The following RABGEF1 variants were observed in gnomAD, a reference collection of about 807,000 sequenced individuals.
The protein encoded by RABGEF1 is RAB guanine nucleotide exchange factor 1.
In RABGEF1, 26 loss-of-function variants were observed where a neutral mutation model predicts 57.3. The ratio of observed to expected loss-of-function variants is 0.45; its 90% CI spans 0.33 to 0.63. The LOEUF is 0.63. RABGEF1 is among the 20% of genes least tolerant of loss of function. The pLI is 0.02. For synonymous variants in RABGEF1, 185 were observed against 210.7 expected (o/e 0.88, Z 1.06); for missense variants, 464 against 607.6 (o/e 0.76, Z 2.48).
chr7:66,767,195 G>GT (rs762549143), intron 1 of RABGEF1, among the ~76,000 whole-genome samples: 4 of 151,450 alleles, frequency 2.6e-5, no homozygotes, highest in Non-Finnish European at 5.9e-5. Flanking sequence ...TAGAGACGAG[G>GT]TTTTGCCATG....
At chr7:66,679,622 CCT>C (rs1789550879), upstream of RABGEF1, among the ~76,000 whole-genome samples, 1 of 152,108 alleles carries the variant, frequency 6.6e-6, no homozygotes, top group East Asian at 1.9e-4. Flanking sequence ...CCCAGCCAGT[CCT>C]CTTTGTCTTA....
chr7:66,729,149 A>T lies in RABGEF1; in HGVS notation c.-814-10847A>T, dbSNP rs578034850. On this transcript the variant is annotated intron_variant and NMD_transcript_variant, in intron 2 of 9. Coordinates refer to the RABGEF1 transcript ENST00000607882. Reference sequence around the variant, plus strand: ...GTATTTTTAGTAGATATGGGGTTTCACTGTGTTAGCCAGGATTGTCTCGAT... The same window carrying T: ...GTATTTTTAGTAGATATGGGGTTTCTCTGTGTTAGCCAGGATTGTCTCGAT... 5.3e-5 allele frequency among the ~76,000 whole-genome samples: 8 copies of T among 151,980 alleles called. No individual in the cohort carries two copies. The South Asian group carries it at 1.5e-3, about 28-fold the overall frequency.
the RABGEF1 span, among the ~76,000 whole-genome samples, chr7:66,674,951 CTATATA>C: frequency 4.4e-4 from 65 of 149,032 alleles, 1 homozygote; most frequent in East Asian, 9.4e-3. Context: ...AATTATAAAA[CTATATA>C]TATATATATA....
chr7:66,771,632 AATTTTTT>A (rs199950237), intron 1 of RABGEF1, among the ~76,000 whole-genome samples: 1,896 of 151,742 alleles, frequency 0.012, 37 homozygotes, highest in African/African-American at 0.042. Context: ...GTCCTTTCTT[AATTTTTT>A]ATTTTTTATT....
upstream of RABGEF1, among the ~76,000 whole-genome samples, chr7:66,738,031 T>G (rs12671178): frequency 1.5e-4 from 20 of 136,688 alleles, no homozygotes; most frequent in Non-Finnish European, 2.5e-4. Context: ...TTGTTTTTTT[T>G]TTTTTTTGAG....
In RABGEF1 at chr7:66,801,193, T is replaced by A. The variant is rs554984702; in HGVS notation, c.820+1779T>A. On this transcript the variant is annotated intron_variant, in intron 7 of 8. Coordinates refer to ENST00000284957, the MANE Select transcript of RABGEF1 (RefSeq NM_014504.3). Reference sequence around the variant, plus strand: ...CTCCAAGAGTTTAGGACAAGGAGAGTGTCAGGGCCTGTGGCTGATGGTGGA... The same window carrying A: ...CTCCAAGAGTTTAGGACAAGGAGAGAGTCAGGGCCTGTGGCTGATGGTGGA... Among the ~76,000 whole-genome samples, 3 of 152,178 alleles carry A rather than the reference T, an allele frequency of 2.0e-5. No individual in the cohort carries two copies. In the South Asian group the frequency reaches 6.2e-4, roughly 32 times the overall value.
chr7:66,805,133 T>C lies in RABGEF1; in HGVS notation c.821-7T>C, dbSNP rs1788159388. On this transcript the variant is annotated splice_region_variant and splice_polypyrimidine_tract_variant and intron_variant, in intron 7 of 8. Transcript: ENST00000284957. ...TCCTGGGAAATATTGTCTTTTCTGC[T>C]TTGTAGATATCATTGAAATGGATTC... 3 of 1,593,390 alleles carry C rather than the reference T, an allele frequency of 1.9e-6. No homozygotes were observed. In the East Asian group the frequency reaches 6.7e-5, roughly 36 times the overall value.
intron 1 of RABGEF1, among the ~76,000 whole-genome samples, chr7:66,683,356 A>G (rs1447935613): frequency 6.6e-6 from 1 of 152,186 alleles, no homozygotes; most frequent in Non-Finnish European, 1.5e-5. Context: ...TTATATTGTT[A>G]ACATTTAATG....
intron 1 of RABGEF1, among the ~76,000 whole-genome samples, chr7:66,742,150 C>CAAA (rs3069894): frequency 1.1e-4 from 16 of 148,880 alleles, no homozygotes; most frequent in South Asian, 4.2e-4. Flanking sequence ...GACTCTATCT[C>CAAA]AAAAAAAAAA....
the RABGEF1 span, among the ~76,000 whole-genome samples, chr7:66,674,206 T>G: frequency 5.9e-5 from 9 of 151,970 alleles, no homozygotes; most frequent in African/African-American, 1.4e-4. Context: ...TTTTTTTTTT[T>G]TGTGATGGAG....
chr7:66,778,575 A>G (rs1809097992), intron 3 of RABGEF1, among the ~76,000 whole-genome samples: 1 of 152,198 alleles, frequency 6.6e-6, no homozygotes, highest in Non-Finnish European at 1.5e-5. Flanking sequence ...GGATCTGAAG[A>G]CGGTGATTCT....
chr7:66,748,543 A>G (rs1562778873), intron 1 of RABGEF1, among the ~76,000 whole-genome samples: 1 of 152,154 alleles, frequency 6.6e-6, no homozygotes, highest in Non-Finnish European at 1.5e-5. Context: ...AAGGGCACAT[A>G]TTTGTTTGTT....
chr7:66,678,124 C>T (rs188287222), upstream of RABGEF1, among the ~76,000 whole-genome samples: 48 of 152,158 alleles, frequency 3.2e-4, no homozygotes, highest in African/African-American at 1.0e-3. Context: ...AATTTAGTCT[C>T]AACATCTAAT....
chr7:66,657,495 A>G, the RABGEF1 span, among the ~76,000 whole-genome samples: 1 of 152,250 alleles, frequency 6.6e-6, no homozygotes, highest in African/African-American at 2.4e-5. Context: ...AGCAGCGTTC[A>G]GAGGGAAATG....
chr7:66,796,897 G>T (rs1386640358), intron 5 of RABGEF1: 13 of 401,098 alleles, frequency 3.2e-5, no homozygotes, highest in East Asian at 2.4e-4. Flanking sequence ...CAGCTGGTAA[G>T]TTTTTTTTTT....
the RABGEF1 span, among the ~76,000 whole-genome samples, chr7:66,660,076 A>G: frequency 6.6e-6 from 1 of 151,980 alleles, no homozygotes; most frequent in African/African-American, 2.4e-5. Context: ...AGCTGGGCAC[A>G]GTGGCTCACG....
At chr7:66,732,644 C>T (rs1016119027) in intron 2 of RABGEF1, among the ~76,000 whole-genome samples, 5 of 152,134 alleles carry the variant, frequency 3.3e-5, no homozygotes, top group African/African-American at 1.2e-4. Context: ...CTTTCAGTTC[C>T]ACTCCATCAT....
intron 2 of RABGEF1, among the ~76,000 whole-genome samples, chr7:66,719,856 A>G (rs1394264656): frequency 6.6e-6 from 1 of 152,198 alleles, no homozygotes; most frequent in African/African-American, 2.4e-5. Flanking sequence ...AGCAGAAGTT[A>G]TATGGCCTGC....
In RABGEF1 at chr7:66,805,172, C is replaced by T. The variant is rs1170511090; in HGVS notation, c.853C>T (p.Arg285Ter). The change falls in exon 8 of 9, where the codon CGA (arginine) becomes TGA (stop). Residue 285 changes from arginine (R) to a stop codon, truncating the protein, a stop_gained. Transcript: ENST00000284957. LOFTEE classifies it high-confidence loss of function. ...TGAAATGGATTCCAAGCGTGTGCCT[C>T]GAGACAAGCTGGCCTGCATCACCAA... ...IIEMDSKRVPRDKLACITKCS... is the reference protein window; with the variant it reads ...IIEMDSKRVP 4.3e-6 allele frequency: 7 copies of T among 1,610,524 alleles called. No homozygotes were observed. The highest frequency in any genetic ancestry group is 5.1e-6 in the Non-Finnish European group (6 of 1,176,746).
Sources: allele counts gnomAD v4.1 joint callset (sites outside exome capture counted in the v4.1 genomes callset), GRCh38; gene constraint gnomAD v4.1.1; transcripts MANE v1.5; gene names NCBI Gene and HGNC (gene_info 2026-07-23, HGNC 2026-07-21).